NTMT2: variants seen among roughly 807,000 people sequenced by gnomAD.
The protein encoded by NTMT2 is N-terminal Xaa-Pro-Lys N-methyltransferase 2.
In NTMT2, 21 loss-of-function variants were observed where a neutral mutation model predicts 23.4. The ratio of observed to expected loss-of-function variants is 0.90; its 90% CI spans 0.64 to 1.29. The LOEUF (loss-of-function observed/expected upper bound fraction) is 1.29. Among genes scored for constraint, NTMT2 ranks in the 50% most tolerant of loss-of-function variants. The pLI is 0.00. For missense variants in NTMT2, 336 were observed against 352.0 expected (o/e 0.95, Z 0.36); for synonymous variants, 131 against 127.7 (o/e 1.03, Z -0.17).
intron 1 of NTMT2, among the ~76,000 whole-genome samples, chr1:170,155,642 T>A (rs1483833744): frequency 6.6e-6 from 1 of 152,120 alleles, no homozygotes; most frequent in Non-Finnish European, 1.5e-5. Flanking sequence ...GATCATTTTT[T>A]AATTGACAAA....
chr1:170,155,375 T>C (rs1184963785), intron 1 of NTMT2, among the ~76,000 whole-genome samples: 1 of 152,120 alleles, frequency 6.6e-6, no homozygotes, highest in African/African-American at 2.4e-5. Context: ...TCTCTCTTTT[T>C]TCCTTTCCTT....
Position 170,160,583 on chromosome 1 carries a change from C to T in NTMT2, c.220C>T (p.Leu74Phe). 1.3e-6 allele frequency: 2 copies of T among 1,551,584 alleles called. No individual in the cohort carries two copies. Among genetic ancestry groups the T allele is most frequent in the East Asian group, 2.4e-5 (1 of 40,918 alleles). ...GATGCAGTTCTATGCCAGAGCTAAA[C>T]TTTTCTACCAAGAAGTACCAGCCAC... ...GEMQFYARAK[L>F]FYQEVPATEE... The change falls in exon 2 of 4, where the codon CTT becomes TTT. Residue 74 changes from leucine (L) to phenylalanine (F), a missense_variant. Transcript: ENST00000439373.
At chr1:170,158,522 A>C (rs943428553) in intron 1 of NTMT2, among the ~76,000 whole-genome samples, 3 of 151,820 alleles carry the variant, frequency 2.0e-5, no homozygotes, top group Admixed American at 6.6e-5. Flanking sequence ...TCTGTTTTGA[A>C]ATTTCTTACA....
chr1:170,154,692 C>T (rs1673132299), intron 1 of NTMT2, among the ~76,000 whole-genome samples: 1 of 151,190 alleles, frequency 6.6e-6, no homozygotes, highest in South Asian at 2.1e-4. Flanking sequence ...GGTGGAGGAA[C>T]TCATCTCCAG....
intron 2 of NTMT2, among the ~76,000 whole-genome samples, chr1:170,164,720 G>A (rs770571308): frequency 4.9e-4 from 75 of 152,298 alleles, no homozygotes; most frequent in Non-Finnish European, 4.3e-4. Context: ...GGGAATCAGA[G>A]GTGACATCCC....
intron 2 of NTMT2, among the ~76,000 whole-genome samples, chr1:170,161,056 G>A (rs1673265164): frequency 1.3e-5 from 2 of 152,136 alleles, no homozygotes; most frequent in Admixed American, 1.3e-4. Flanking sequence ...TGCCTTTTGG[G>A]ATCTTGGGTT....
chr1:170,155,381 T>C (rs1037114514), intron 1 of NTMT2, among the ~76,000 whole-genome samples: 6 of 152,074 alleles, frequency 3.9e-5, no homozygotes, highest in African/African-American at 1.4e-4. Flanking sequence ...TTTTTTCCTT[T>C]CCTTTCTTCC....
Position 170,146,257 on chromosome 1 carries a change from C to A in NTMT2, c.150C>A (p.Pro50=). 1 of 1,549,244 alleles carries A rather than the reference C, an allele frequency of 6.5e-7. No individual in the cohort carries two copies. Among genetic ancestry groups the A allele is most frequent in the East Asian group, 2.5e-5 (1 of 40,814 alleles). The part of the protein sequence containing the change: ...QSYLYLLEKI[P]LVKLYALTSQ... ...ATCTCTACCTGCTGGAAAAAATTCC[C>A]CTGGGTAAGTGAGTCAGAGCTACTA... The change falls in exon 1 of 4, where the codon CCC becomes CCA. Residue 50 remains proline (P), a synonymous_variant. Transcript: ENST00000439373.
chr1:170,155,385 T>C (rs144868907), intron 1 of NTMT2, among the ~76,000 whole-genome samples: 44 of 152,184 alleles, frequency 2.9e-4, no homozygotes, highest in African/African-American at 9.1e-4. Flanking sequence ...TTCCTTTCCT[T>C]TCTTCCCTCT....
intron 1 of NTMT2, among the ~76,000 whole-genome samples, chr1:170,148,742 T>A (rs1274779210): frequency 6.6e-6 from 1 of 152,146 alleles, no homozygotes; most frequent in Non-Finnish European, 1.5e-5. Flanking sequence ...CATGCATTAT[T>A]GGAGTTGTGG....
intron 2 of NTMT2, 114 bp from the exon 3 acceptor site, chr1:170,166,388 G>A (rs1252514243): frequency 2.7e-5 from 29 of 1,094,284 alleles, no homozygotes; most frequent in Non-Finnish European, 3.6e-5. Context: ...TGATCCGCCC[G>A]CCTCGGCCTC....
chr1:170,161,023 C>A (rs1434960903), intron 2 of NTMT2, among the ~76,000 whole-genome samples: 1 of 152,116 alleles, frequency 6.6e-6, no homozygotes, highest in Non-Finnish European at 1.5e-5. Flanking sequence ...ACGTTTCATA[C>A]CCAAATGATT....
In NTMT2 at chr1:170,166,653, T is replaced by A. The variant is rs557051546; in HGVS notation, c.482T>A (p.Val161Asp). The A allele has an allele frequency of 1.3e-6, 2 of 1,552,046 alleles. No individual in the cohort carries two copies. Among genetic ancestry groups the A allele is most frequent in the East Asian group, 2.4e-5 (1 of 40,926 alleles). Residue 161 changes from valine to aspartate, a missense_variant, in exon 3 of 4, where the codon GTC (valine) becomes GAC (aspartate). Coordinates refer to ENST00000439373, the MANE Select transcript of NTMT2 (RefSeq NM_001136107.2). ...CTTGAAGCCCAGAACTACCTGCAGG[T>A]CAAAGGTGACAAAGTAGAAAGCTAC... ...FLLEAQNYLQ[V>D]KGDKVESYHC...
At chr1:170,154,069 AG>A in intron 1 of NTMT2, among the ~76,000 whole-genome samples, 1 of 152,290 alleles carries the variant, frequency 6.6e-6, no homozygotes, top group South Asian at 2.1e-4. Context: ...TGTGGCTCAA[AG>A]GGACCCAGGT....
At chr1:170,156,156 G>A (rs1673159550) in intron 1 of NTMT2, among the ~76,000 whole-genome samples, 1 of 152,086 alleles carries the variant, frequency 6.6e-6, no homozygotes, top group East Asian at 1.9e-4. Context: ...TCATGGTTAA[G>A]GTCTTATGGA....
chr1:170,166,140 C>CTTTT (rs3040077), intron 2 of NTMT2, among the ~76,000 whole-genome samples: 11 of 67,792 alleles, frequency 1.6e-4, no homozygotes, highest in Non-Finnish European at 2.6e-4. Context: ...TTTTTTTTTT[C>CTTTT]TTTTTTTTTT....
chr1:170,155,475 A>G (rs551185997), intron 1 of NTMT2, among the ~76,000 whole-genome samples: 5 of 151,886 alleles, frequency 3.3e-5, no homozygotes, highest in Admixed American at 1.3e-4. Context: ...CTTATCTGCA[A>G]ATCTCTTTTA....
At chr1:170,151,508 A>G (rs1169569890) in intron 1 of NTMT2, 1 of 154,076 alleles carries the variant, frequency 6.5e-6, no homozygotes, top group Non-Finnish European at 1.5e-5. Context: ...AATAAAACTC[A>G]CCATACAGCT....
intron 1 of NTMT2, among the ~76,000 whole-genome samples, chr1:170,148,483 A>G (rs923719509): frequency 1.3e-5 from 2 of 151,856 alleles, no homozygotes; most frequent in Non-Finnish European, 2.9e-5. Context: ...CATTGCCTTC[A>G]TTTTACTTAT....
Sources: gnomAD v4.1 joint callset for allele counts (sites outside exome capture counted in the v4.1 genomes callset) on GRCh38, gnomAD v4.1.1 for gene constraint, MANE v1.5 for transcripts, NCBI Gene and HGNC (gene_info 2026-07-23, HGNC 2026-07-21) for gene names.